Variants in CTCFL observed in about 807,000 individuals in gnomAD.
The protein encoded by CTCFL is CCCTC-binding factor like, also known as transcriptional repressor CTCFL.
CTCFL carries 36 observed loss-of-function variants against 67.4 expected under a neutral mutation model. The observed-to-expected ratio is 0.53, with a 90% CI of 0.41 to 0.71. CTCFL has a LOEUF of 0.71. CTCFL is among the 30% of genes least tolerant of loss of function. The pLI, the probability that CTCFL is intolerant of heterozygous loss-of-function variation, is 0.00. For missense variants in CTCFL, 786 were observed against 835.2 expected, an observed-to-expected ratio of 0.94 and a Z score of 0.73; for synonymous variants, 324 against 302.3, an observed-to-expected ratio of 1.07 and a Z score of -0.75.
chr20:57,523,958 T>C lies in CTCFL; in HGVS notation c.248A>G (p.Gln83Arg). ...AGCTTCAGAAGTGAAGTGCACCGTCTGCAGGGTCAGGATGTACTTCTCGCT... is the reference window on the plus strand; with the variant it reads ...AGCTTCAGAAGTGAAGTGCACCGTCCGCAGGGTCAGGATGTACTTCTCGCT... Reference protein sequence around the residue: ...EESEKYILTLQTVHFTSEAVE... With the variant: ...EESEKYILTLRTVHFTSEAVE... Residue 83 changes from glutamine (Q) to arginine (R), a missense_variant, in exon 2 of 11, where the codon CAG (glutamine) becomes CGG (arginine). Coordinates refer to ENST00000243914, the MANE Select transcript of CTCFL (RefSeq NM_001386993.1). 6.2e-7 allele frequency: 1 copy of C among 1,613,152 alleles called. No homozygotes were observed. Among genetic ancestry groups the C allele is most frequent in the Non-Finnish European group, 8.5e-7 (1 of 1,180,026 alleles).
chr20:57,504,803 A>G (rs562749156), intron 9 of CTCFL, among the ~76,000 whole-genome samples: 4 of 152,130 alleles, frequency 2.6e-5, no homozygotes, highest in South Asian at 4.1e-4. Context: ...AATTTTAAAC[A>G]AAACTTCTCT....
At position 57,513,685 on chromosome 20, in the gene CTCFL, T is replaced by C. The variant is rs908697387; in HGVS notation, c.1330+907A>G. The C allele has an allele frequency of 9.3e-6, 11 of 1,186,646 alleles. No individual in the cohort carries two copies. In the African/African-American group the frequency reaches 1.3e-4, roughly 14 times the overall value. 73.5% of individuals were successfully genotyped at this position (1,186,646 alleles called of 1,614,324 possible). ...ATGACAGAATGGTCCAGATGAAAAA[T>C]AAAAGTGAAGACTTTGTGGAACACC... is the stretch of plus-strand genomic sequence containing the variant. On this transcript the variant is annotated intron_variant, in intron 7 of 10. Transcript: ENST00000243914.
At chr20:57,513,388 T>G in intron 7 of CTCFL, 1 of 986,938 alleles carries the variant, frequency 1.0e-6, no homozygotes, top group South Asian at 4.7e-5. Flanking sequence ...CAAATGACAA[T>G]GGACAGCTGT....
chr20:57,497,299 G>GTA lies in CTCFL; in HGVS notation c.*1250_*1251insTA. 2.0e-6 allele frequency: 2 copies of GTA among 984,396 alleles called. No individual in the cohort carries two copies. Among genetic ancestry groups the GTA allele is most frequent in the Non-Finnish European group, 2.4e-6 (2 of 829,040 alleles). 61.0% of individuals were successfully genotyped at this position (984,396 alleles called of 1,614,324 possible). On this transcript the variant is annotated 3_prime_UTR_variant, in exon 11 of 11. Coordinates refer to ENST00000243914, the MANE Select transcript of CTCFL (RefSeq NM_001386993.1). Reference sequence around the variant, plus strand: ...ACAGCCCACAGAATTTAAATCTCATGTGAGTTGAGTTAAATTAATTTGCTG... The same window carrying GTA: ...ACAGCCCACAGAATTTAAATCTCATGTATGAGTTGAGTTAAATTAATTTGCTG...
chr20:57,517,098 T>C (rs2068980890), intron 5 of CTCFL, among the ~76,000 whole-genome samples: 1 of 152,126 alleles, frequency 6.6e-6, no homozygotes, highest in Non-Finnish European at 1.5e-5. Flanking sequence ...AAATTTCACT[T>C]AGGTTTTCAG....
At chr20:57,502,614 G>A (rs1294056471) in intron 10 of CTCFL, among the ~76,000 whole-genome samples, 2 of 152,160 alleles carry the variant, frequency 1.3e-5, no homozygotes, top group African/African-American at 2.4e-5. Flanking sequence ...GTTCTCAGAG[G>A]AAAGGAATGG....
Position 57,498,072 on chromosome 20 carries a change from T to C in CTCFL, c.*478A>G. On this transcript the variant is annotated 3_prime_UTR_variant, in exon 11 of 11. Transcript: ENST00000243914. ...CATTTGTCTTTAATGTTTAAAACCA[T>C]ATATTATTAGAAATATCATGGGTGT... 1.1e-6 allele frequency: 1 copy of C among 912,404 alleles called. No individual in the cohort carries two copies. The allele number at this position is 912,404 out of a possible 1,614,324, so 56.5% of individuals were successfully genotyped here. A position where few individuals can be genotyped will look rare whatever the true frequency, so the allele number is the denominator to read the frequency against.
intron 8 of CTCFL, among the ~76,000 whole-genome samples, chr20:57,510,327 T>C (rs1054468463): frequency 6.6e-6 from 1 of 152,230 alleles, no homozygotes; most frequent in African/African-American, 2.4e-5. Flanking sequence ...AATTCTTAAG[T>C]GTTTTTTAAA....
At chr20:57,515,506 C>T in intron 6 of CTCFL, 1 of 588,860 alleles carries the variant, frequency 1.7e-6, no homozygotes, top group Non-Finnish European at 2.9e-6. Context: ...TTTTACTCCA[C>T]ACAGTGGGGT....
intron 2 of CTCFL, 86 bp downstream of exon 2, chr20:57,523,577 A>G (rs1600685789): frequency 1.3e-6 from 2 of 1,515,466 alleles, no homozygotes; most frequent in Admixed American, 2.1e-5. Context: ...ACTGCAAAAT[A>G]CCTTGTCCAG....
chr20:57,523,333 T>C, intron 2 of CTCFL, 55 bp from the exon 3 acceptor site: 1 of 1,505,468 alleles, frequency 6.6e-7, no homozygotes. Flanking sequence ...ATAATTAGAC[T>C]TTTGCCTGGA....
chr20:57,513,924 A>G (rs1486322570), intron 7 of CTCFL: 4 of 1,284,084 alleles, frequency 3.1e-6, no homozygotes, highest in East Asian at 5.6e-5. Context: ...CCTCCCTCCC[A>G]TTGCTCAACA....
intron 10 of CTCFL, among the ~76,000 whole-genome samples, chr20:57,501,017 C>A (rs1307924886): frequency 6.6e-6 from 1 of 152,206 alleles, no homozygotes; most frequent in African/African-American, 2.4e-5. Context: ...GTAGCCCGGC[C>A]TTGGGTTTCT....
chr20:57,509,202 AG>A (rs1239739602), intron 8 of CTCFL, among the ~76,000 whole-genome samples: 1 of 152,186 alleles, frequency 6.6e-6, no homozygotes, highest in Non-Finnish European at 1.5e-5. Context: ...TAAATTCAGC[AG>A]ACCTTTGGGG....
In CTCFL at chr20:57,497,291, A is replaced by C. The variant is rs563987633; in HGVS notation, c.*1259T>G. On this transcript the variant is annotated 3_prime_UTR_variant, in exon 11 of 11. Transcript: ENST00000243914. ...GGCATACTACAGCCCACAGAATTTA[A>C]ATCTCATGTGAGTTGAGTTAAATTA... The C allele has an allele frequency of 2.4e-5, 24 of 984,638 alleles. No individual in the cohort carries two copies. The East Asian group carries it at 2.5e-3, about 102-fold the overall frequency. 61.0% of individuals were successfully genotyped at this position (984,638 alleles called of 1,614,324 possible).
At chr20:57,508,553 T>C in intron 9 of CTCFL, 53 bp downstream of exon 9, 2 of 1,553,628 alleles carry the variant, frequency 1.3e-6, no homozygotes, top group South Asian at 2.3e-5. Context: ...ACTGTCCTCC[T>C]GAGATAGAGG....
Position 57,515,750 on chromosome 20 carries a change from T to C in CTCFL, c.1144A>G (p.Thr382Ala), listed in dbSNP as rs1334306269. ...CTCATGTGGCGTTTCAGCTTGTAGG[T>C]ATCTCTGCTGGCATAGCTGCACTGG... ...CCQCSYASRD[T>A]YKLKRHMRTH... The change falls in exon 6 of 11, where the codon ACC becomes GCC. Residue 382 changes from threonine to alanine, a missense_variant. Transcript: ENST00000243914. 3 of 1,614,070 alleles carry C rather than the reference T, an allele frequency of 1.9e-6. No individual in the cohort carries two copies. Among genetic ancestry groups the C allele is most frequent in the Non-Finnish European group, 2.5e-6 (3 of 1,180,038 alleles).
At chr20:57,496,338 A>G, downstream of CTCFL, 1 of 683,656 alleles carries the variant, frequency 1.5e-6, no homozygotes, top group East Asian at 2.7e-5. Context: ...AGATACCAAC[A>G]TCATCCTTCC....
chr20:57,502,185 C>T (rs1321743141), intron 10 of CTCFL, among the ~76,000 whole-genome samples: 1 of 152,148 alleles, frequency 6.6e-6, no homozygotes, highest in African/African-American at 2.4e-5. Flanking sequence ...CGGGGGCACA[C>T]CCAGGCTTAG....
Sources: allele counts gnomAD v4.1 joint callset (sites outside exome capture counted in the v4.1 genomes callset), GRCh38; gene constraint gnomAD v4.1.1; transcripts MANE v1.5; gene names NCBI Gene and HGNC (gene_info 2026-07-23, HGNC 2026-07-21).